LANCL3: variants seen among roughly 807,000 people sequenced by gnomAD.
The protein encoded by LANCL3 is lanC-like protein 3.
Under a neutral mutation model 26.5 loss-of-function variants are expected in LANCL3, and 19 were observed. The ratio of observed to expected loss-of-function variants is 0.72; its 90% confidence interval spans 0.50 to 1.05. LANCL3 has a LOEUF of 1.05. Ranked by LOEUF, LANCL3 falls within the 50% of genes least tolerant of loss-of-function variation. LANCL3 has a pLI of 0.00. For synonymous variants in LANCL3, 160 were observed against 166.6 expected (o/e 0.96, Z 0.30); for missense variants, 318 against 362.7 (o/e 0.88, Z 1.00).
At chrX:37,634,387 C>T (rs988839814) in intron 1 of LANCL3, among the ~76,000 whole-genome samples, 9 of 113,186 alleles carry the variant, frequency 8.0e-5, no homozygotes, top group South Asian at 3.6e-4. Context: ...TGACCCCTTG[C>T]GCTTCCTGAG....
At position 37,678,290 on chromosome X, in the gene LANCL3, G is replaced by A. The variant is rs1356256943; in HGVS notation, c.*2477G>A. 1 of 110,606 alleles carries A rather than the reference G, an allele frequency of 9.0e-6. No individual in the cohort carries two copies. Among genetic ancestry groups the A allele is most frequent in the Non-Finnish European group, 1.9e-5 (1 of 52,678 alleles). The allele number at this position is 110,606 out of a possible 1,213,427, so 9.1% of individuals were successfully genotyped here. On this transcript the variant is annotated 3_prime_UTR_variant, in exon 5 of 5. Transcript: ENST00000378619. ...GGGAAAACGATTCTTACATTTTGCT[G>A]TAGGAAAGTGTGGCATGTTACTTCT...
intron 1 of LANCL3, among the ~76,000 whole-genome samples, chrX:37,592,381 G>T (rs782326446): frequency 1.4e-4 from 16 of 112,275 alleles, no homozygotes; most frequent in East Asian, 8.4e-4. Context: ...AAATAGGAAC[G>T]GTCATTCAAA....
chrX:37,651,603 C>T (rs1374418877), intron 1 of LANCL3, among the ~76,000 whole-genome samples: 1 of 110,214 alleles, frequency 9.1e-6, no homozygotes, highest in African/African-American at 3.3e-5. Flanking sequence ...CTGGTTTTTG[C>T]AAGTTTTTTT....
At chrX:37,646,777 G>A (rs1925995772) in intron 1 of LANCL3, among the ~76,000 whole-genome samples, 1 of 110,576 alleles carries the variant, frequency 9.0e-6, no homozygotes, top group African/African-American at 3.3e-5. Flanking sequence ...GCAAAAGGGA[G>A]GCACATATCC....
chrX:37,593,638 A>AT (rs1241663909), intron 1 of LANCL3, among the ~76,000 whole-genome samples: 1 of 112,309 alleles, frequency 8.9e-6, no homozygotes, highest in Non-Finnish European at 1.9e-5. Context: ...AACAATGAAC[A>AT]TGTATTTCTT....
At chrX:37,617,666 T>C (rs1556421841) in intron 1 of LANCL3, among the ~76,000 whole-genome samples, 1 of 111,495 alleles carries the variant, frequency 9.0e-6, no homozygotes, top group African/African-American at 3.3e-5. Context: ...TCCAGGAGGA[T>C]AGAGCTGCTG....
chrX:37,600,803 C>A (rs1313336783), intron 1 of LANCL3, among the ~76,000 whole-genome samples: 1 of 111,450 alleles, frequency 9.0e-6, no homozygotes, highest in Non-Finnish European at 1.9e-5. Flanking sequence ...GTCTGAGGAC[C>A]AAGTGTTAAG....
intron 1 of LANCL3, among the ~76,000 whole-genome samples, chrX:37,629,876 G>C (rs781965180): frequency 9.0e-6 from 1 of 111,185 alleles, no homozygotes; most frequent in Non-Finnish European, 1.9e-5. Flanking sequence ...TTGAAGTCAG[G>C]TAGCGTGATG....
intron 1 of LANCL3, among the ~76,000 whole-genome samples, chrX:37,602,589 T>C (rs1924601221): frequency 8.9e-6 from 1 of 112,047 alleles, no homozygotes; most frequent in Admixed American, 9.5e-5. Flanking sequence ...ATATTTGTTT[T>C]TGATTTTTTA....
At position 37,678,298 on chromosome X, in the gene LANCL3, G is replaced by A. The variant is rs1926861526; in HGVS notation, c.*2485G>A. The stretch of plus-strand genomic sequence containing the variant: ...GATTCTTACATTTTGCTGTAGGAAA[G>A]TGTGGCATGTTACTTCTTATTTAAT... On this transcript the variant is annotated 3_prime_UTR_variant, in exon 5 of 5. Transcript: ENST00000378619. 1 of 110,620 alleles carries A rather than the reference G, an allele frequency of 9.0e-6. No individual in the cohort carries two copies. The highest frequency in any genetic ancestry group is 9.6e-5 in the Admixed American group (1 of 10,396). The allele number at this position is 110,620 out of a possible 1,213,427, so 9.1% of individuals were successfully genotyped here.
intron 1 of LANCL3, 42 bp from the exon 2 acceptor site, chrX:37,655,644 AGG>A: frequency 1.8e-6 from 2 of 1,133,144 alleles, no homozygotes; most frequent in Non-Finnish European, 2.4e-6. Context: ...CTAAGGAAAA[AGG>A]AGATCCTGCT....
intron 1 of LANCL3, among the ~76,000 whole-genome samples, chrX:37,583,596 A>G (rs1556417382): frequency 1.8e-5 from 2 of 111,467 alleles, no homozygotes. Context: ...ATGGGAGTTC[A>G]CTCATGATTT....
chrX:37,641,689 T>C (rs1925867165), intron 1 of LANCL3, among the ~76,000 whole-genome samples: 1 of 111,906 alleles, frequency 8.9e-6, no homozygotes, highest in Non-Finnish European at 1.9e-5. Flanking sequence ...GGAAAAGATA[T>C]CTTTTCAGCT....
At position 37,646,484 on chromosome X, in the gene LANCL3, A is replaced by G. The variant is rs782469145; in HGVS notation, c.574-9204A>G. On this transcript the variant is annotated intron_variant, in intron 1 of 4. Transcript: ENST00000378619. ...GGATTCCAAGTGAACTACAACCCCA[A>G]AGAGATATAGGAAGTAAAAATTTAA... Among the ~76,000 whole-genome samples, 7 of 112,739 alleles carry G rather than the reference A, an allele frequency of 6.2e-5. No homozygotes were observed. In the East Asian group the frequency reaches 1.4e-3, roughly 22 times the overall value.
intron 1 of LANCL3, among the ~76,000 whole-genome samples, chrX:37,641,545 T>C (rs1017875836): frequency 2.7e-5 from 3 of 111,069 alleles, no homozygotes; most frequent in Middle Eastern, 4.6e-3. Context: ...AATACATTTA[T>C]TAAAATGTAT....
intron 1 of LANCL3, among the ~76,000 whole-genome samples, chrX:37,605,566 T>C (rs1924685984): frequency 9.0e-6 from 1 of 111,680 alleles, no homozygotes; most frequent in African/African-American, 3.3e-5. Context: ...TTCCTGGCAT[T>C]ACCTCCCTGA....
intron 1 of LANCL3, among the ~76,000 whole-genome samples, chrX:37,633,725 C>T (rs1056710948): frequency 3.6e-5 from 4 of 111,769 alleles, no homozygotes; most frequent in African/African-American, 6.5e-5. Flanking sequence ...GTATCAGCAG[C>T]GGTGGCTGCA....
In LANCL3 at chrX:37,584,655, G is replaced by A. The variant is rs782392768; in HGVS notation, c.573+12212G>A. On this transcript the variant is annotated intron_variant, in intron 1 of 4. Transcript: ENST00000378619. ...TGGTAGTTTGTATTTCTGTGGGATC[G>A]GTGGTGATATCCCCTTTATCATTTT... Among the ~76,000 whole-genome samples the A allele has an allele frequency of 2.6e-3, 284 of 111,324 alleles. 2 individuals carry two copies. Among genetic ancestry groups the A allele is most frequent in the African/African-American group, 8.5e-3 (259 of 30,575 alleles).
chrX:37,594,331 TCTC>T lies in LANCL3; in HGVS notation c.573+21892_573+21894del, dbSNP rs1230840808. The stretch of plus-strand genomic sequence containing the variant: ...GCTGTCCTATTTAATTCTTGCAATA[TCTC>T]CTCAAGTTGGATATTATTACCACAT... On this transcript the variant is annotated intron_variant, in intron 1 of 4. Transcript: ENST00000378619. Among the ~76,000 whole-genome samples the T allele has an allele frequency of 6.2e-5, 7 of 112,114 alleles. No individual in the cohort carries two copies. In the East Asian group the frequency reaches 1.9e-3, roughly 31 times the overall value.
Sources: gnomAD v4.1 joint callset for allele counts (sites outside exome capture counted in the v4.1 genomes callset) on GRCh38, gnomAD v4.1.1 for gene constraint, MANE v1.5 for transcripts, NCBI Gene and HGNC (gene_info 2026-07-23, HGNC 2026-07-21) for gene names.